Variants in ZNF57 observed in about 807,000 individuals in gnomAD.
ZNF57 encodes zinc finger protein 424.
A neutral mutation model predicts 13.4 loss-of-function variants in ZNF57; 11 were observed. The ratio of observed to expected loss-of-function variants is 0.82; its 90% CI spans 0.52 to 1.36. ZNF57 has a LOEUF of 1.36. Ranked by LOEUF, ZNF57 falls within the 40% of genes most tolerant of loss-of-function variation. The pLI, the probability that ZNF57 is intolerant of heterozygous loss-of-function variation, is 0.00. For missense variants in ZNF57, 696 were observed against 667.5 expected (o/e 1.04, Z -0.47); for synonymous variants, 224 against 238.5 (o/e 0.94, Z 0.56).
In ZNF57 at chr19:2,913,100, T is replaced by C. The variant is rs1367793170; in HGVS notation, c.4-2422T>C. Among the ~76,000 whole-genome samples the C allele has an allele frequency of 2.0e-5, 3 of 152,208 alleles. No homozygotes were observed. The South Asian group carries it at 6.2e-4, about 32-fold the overall frequency. On this transcript the variant is annotated intron_variant, in intron 1 of 3. Coordinates refer to ENST00000306908, the MANE Select transcript of ZNF57 (RefSeq NM_173480.3). ...TCCTGAGTAGCTGGGATTACAGGCA[T>C]CCGCCACCACGCCCAGCTAATTTTT...
At chr19:2,915,214 C>G in intron 1 of ZNF57, 2 of 230,026 alleles carry the variant, frequency 8.7e-6, no homozygotes, top group African/African-American at 2.3e-5. Flanking sequence ...TTTGGACAAC[C>G]GAGGCCTGCT....
At chr19:2,902,714 C>G (rs1160869209) in intron 1 of ZNF57, among the ~76,000 whole-genome samples, 1 of 152,076 alleles carries the variant, frequency 6.6e-6, no homozygotes, top group Non-Finnish European at 1.5e-5. Context: ...GAGGCGTGTT[C>G]CATTCTGGTT....
At position 2,917,511 on chromosome 19, in the gene ZNF57, G is replaced by A. The variant is rs61754927; in HGVS notation, c.890G>A (p.Arg297Lys). 37,150 of 1,613,570 alleles carry A rather than the reference G, an allele frequency of 0.023. 817 individuals carry two copies. Among genetic ancestry groups the A allele is most frequent in the Middle Eastern group, 0.1 (620 of 6,056 alleles). ...TTCACTTACCCCCAGGCTTTTCAAA[G>A]ACATGAGAAGACGCACACGGGAGAG... Reference protein sequence around the residue: ...KAFTYPQAFQRHEKTHTGEKP... With the variant: ...KAFTYPQAFQKHEKTHTGEKP... The change falls in exon 4 of 4, where the codon AGA becomes AAA. Residue 297 changes from arginine to lysine, a missense_variant. Arg to Lys is a conservative substitution (Grantham distance 26). Around this residue, in one of 3 missense-constraint regions of ZNF57, gnomAD observed 645 missense variants for 591.5 expected, o/e 1.09. Coordinates refer to ENST00000306908, the MANE Select transcript of ZNF57 (RefSeq NM_173480.3).
intron 1 of ZNF57, among the ~76,000 whole-genome samples, chr19:2,912,612 G>T: frequency 6.6e-6 from 1 of 152,222 alleles, no homozygotes; most frequent in East Asian, 1.9e-4. Flanking sequence ...TGGAAGAAGA[G>T]CTTGTTGAGG....
At chr19:2,908,728 T>C (rs1169526655) in intron 1 of ZNF57, among the ~76,000 whole-genome samples, 1 of 152,044 alleles carries the variant, frequency 6.6e-6, no homozygotes, top group East Asian at 1.9e-4. Context: ...CACAGAATCC[T>C]GCAACCAAGA....
rs12610158 is a variant in ZNF57 at position 2,914,179 on chromosome 19, G to T, written c.4-1343G>T. On this transcript the variant is annotated intron_variant, in intron 1 of 3. Coordinates refer to ENST00000306908, the MANE Select transcript of ZNF57 (RefSeq NM_173480.3). Reference sequence around the variant, plus strand: ...AAAGTGGGGTAATTGATGATGCTGTGCTCAACTAAAAAAGAAAAAAGAATG... The same window carrying T: ...AAAGTGGGGTAATTGATGATGCTGTTCTCAACTAAAAAAGAAAAAAGAATG... Among the ~76,000 whole-genome samples, 408 of 152,146 alleles carry T rather than the reference G, an allele frequency of 2.7e-3. 11 individuals carry two copies. The East Asian group carries it at 0.074, about 27-fold the overall frequency.
At chr19:2,901,780 G>A (rs1035980658) in intron 1 of ZNF57, among the ~76,000 whole-genome samples, 2 of 152,326 alleles carry the variant, frequency 1.3e-5, no homozygotes, top group African/African-American at 4.8e-5. Flanking sequence ...GCCTCCCAAA[G>A]TGCTGGGATT....
chr19:2,917,994 C>A lies in ZNF57; in HGVS notation c.1373C>A (p.Thr458Asn). 6.2e-7 allele frequency: 1 copy of A among 1,613,650 alleles called. No homozygotes were observed. Among genetic ancestry groups the A allele is most frequent in the Non-Finnish European group, 8.5e-7 (1 of 1,179,870 alleles). ...TGTGAACACTGTGGGAAGGCCTTTA[C>A]CTCTTCCAGAGCATTCCAAGGTCAT... ...HKCEHCGKAF[T>N]SSRAFQGHLR... The change falls in exon 4 of 4, where the codon ACC (threonine) becomes AAC (asparagine). Residue 458 changes from threonine to asparagine, a missense_variant. Physicochemically the swap from Thr to Asn is moderately conservative, Grantham distance 65 (BLOSUM62 0). Coordinates refer to ENST00000306908, the MANE Select transcript of ZNF57 (RefSeq NM_173480.3).
At chr19:2,903,013 G>A (rs76455461) in intron 1 of ZNF57, among the ~76,000 whole-genome samples, 463 of 152,282 alleles carry the variant, frequency 3.0e-3, no homozygotes, top group Non-Finnish European at 3.9e-3. Context: ...AGGGTGCAGC[G>A]GGGTCTGGCT....
At chr19:2,905,833 G>A (rs551930502) in intron 1 of ZNF57, among the ~76,000 whole-genome samples, 18 of 149,990 alleles carry the variant, frequency 1.2e-4, no homozygotes, top group Admixed American at 4.0e-4. Context: ...TTAGACATTT[G>A]CCTTTCATTT....
At chr19:2,912,187 G>C (rs1294869197) in intron 1 of ZNF57, 1 of 134,528 alleles carries the variant, frequency 7.4e-6, no homozygotes, top group Non-Finnish European at 1.8e-5. Context: ...GTGCTTCTCA[G>C]TTCTTCCTTC....
intron 1 of ZNF57, among the ~76,000 whole-genome samples, chr19:2,905,286 T>C (rs942415997): frequency 4.6e-5 from 7 of 151,626 alleles, no homozygotes; most frequent in African/African-American, 1.5e-4. Context: ...TGCCTCAGCC[T>C]CCCGAGTAGC....
intron 1 of ZNF57, among the ~76,000 whole-genome samples, chr19:2,914,285 T>C (rs1255835396): frequency 6.6e-6 from 1 of 152,206 alleles, no homozygotes; most frequent in Non-Finnish European, 1.5e-5. Context: ...CTCTGTCACC[T>C]AGGCTAGAGT....
chr19:2,917,333 A>C lies in ZNF57; in HGVS notation c.712A>C (p.Ser238Arg). Reference protein sequence around the residue: ...QCRMAFNGFASFTRHVRTHTK... With the variant: ...QCRMAFNGFARFTRHVRTHTK... ...TCGGATGGCGTTTAATGGGTTCGCAAGCTTCACTAGACATGTGAGAACTCA... is the reference window on the plus strand; with the variant it reads ...TCGGATGGCGTTTAATGGGTTCGCACGCTTCACTAGACATGTGAGAACTCA... The change falls in exon 4 of 4, where the codon AGC (serine) becomes CGC (arginine). Residue 238 changes from serine (S) to arginine (R), a missense_variant. Ser to Arg is a moderately radical substitution (Grantham distance 110, BLOSUM62 -1). Around this residue, in one of 3 missense-constraint regions of ZNF57, gnomAD observed 645 missense variants for 591.5 expected, o/e 1.09. Transcript: ENST00000306908. 1 of 1,614,240 alleles carries C rather than the reference A, an allele frequency of 6.2e-7. No individual in the cohort carries two copies. The highest frequency in any genetic ancestry group is 8.5e-7 in the Non-Finnish European group (1 of 1,180,046).
In ZNF57 at chr19:2,917,146, G is replaced by C; in HGVS notation, c.525G>C (p.Gln175His). The C allele has an allele frequency of 1.2e-6, 2 of 1,614,154 alleles. No individual in the cohort carries two copies. The highest frequency in any genetic ancestry group is 1.7e-6 in the Non-Finnish European group (2 of 1,180,004). Residue 175 changes from glutamine (Q) to histidine (H), a missense_variant, in exon 4 of 4, where the codon CAG (glutamine) becomes CAC (histidine). By Grantham distance (24) the Gln-to-His change is conservative. This residue lies in a region of ZNF57 where 645 missense variants were observed against 591.5 expected (regional missense o/e 1.09). Coordinates refer to ENST00000306908, the MANE Select transcript of ZNF57 (RefSeq NM_173480.3). Reference sequence around the variant, plus strand: ...CACCTCCAGGTGAGGAATGTAAGCAGGCCTGCATTTGTCCCTCACACCTAC... The same window carrying C: ...CACCTCCAGGTGAGGAATGTAAGCACGCCTGCATTTGTCCCTCACACCTAC... ...RKAPPGEECK[Q>H]ACICPSHLHS...
At chr19:2,913,663 G>T (rs958613100) in intron 1 of ZNF57, among the ~76,000 whole-genome samples, 70 of 144,014 alleles carry the variant, frequency 4.9e-4, no homozygotes, top group African/African-American at 1.3e-3. Context: ...CTTATTTCTG[G>T]TTTTTTTTTT....
At chr19:2,914,024 T>C (rs1195315338) in intron 1 of ZNF57, among the ~76,000 whole-genome samples, 1 of 152,216 alleles carries the variant, frequency 6.6e-6, no homozygotes, top group Non-Finnish European at 1.5e-5. Flanking sequence ...AACGTTCTTC[T>C]GCACTTGAGA....
chr19:2,907,962 C>T lies in ZNF57; in HGVS notation c.3+6914C>T, dbSNP rs556481180. On this transcript the variant is annotated intron_variant, in intron 1 of 3. Transcript: ENST00000306908. ...TTCCTGGCCTCAAGCAGTCTTCCTGCCTCGGCCTCCCAAAATGCTGGGATT... is the reference window on the plus strand; with the variant it reads ...TTCCTGGCCTCAAGCAGTCTTCCTGTCTCGGCCTCCCAAAATGCTGGGATT... Among the ~76,000 whole-genome samples, 11 of 152,326 alleles carry T rather than the reference C, an allele frequency of 7.2e-5. No homozygotes were observed. The South Asian group carries it at 2.3e-3, about 32-fold the overall frequency.
chr19:2,901,082 G>T (rs2088024758), intron 1 of ZNF57, 34 bp downstream of exon 1: 2 of 1,540,842 alleles, frequency 1.3e-6, no homozygotes, highest in East Asian at 4.9e-5. Flanking sequence ...CCAGGGGACG[G>T]TCGGAGCGAC....
Sources: allele counts gnomAD v4.1 joint callset (sites outside exome capture counted in the v4.1 genomes callset), GRCh38; gene constraint gnomAD v4.1.1; regional missense constraint gnomAD v4.1.1; transcripts MANE v1.5; gene names NCBI Gene and HGNC (gene_info 2026-07-23, HGNC 2026-07-21).